KNTC1: variants seen among roughly 807,000 people sequenced by gnomAD.
The protein encoded by KNTC1 is kinetochore-associated protein 1.
KNTC1 carries 253 observed loss-of-function variants against 314.4 expected under a neutral mutation model. That is an observed-to-expected ratio of 0.80 (90% CI 0.73 to 0.89). The LOEUF (loss-of-function observed/expected upper bound fraction) is 0.89, where lower values mean the gene tolerates loss of function less well. Among genes scored for constraint, KNTC1 ranks in the 40% least tolerant of loss-of-function variants. KNTC1 has a pLI of 0.00. For missense variants in KNTC1, 2,475 were observed against 2,572.9 expected (o/e 0.96, Z 0.82); for synonymous variants, 901 against 901.4 (o/e 1.00, Z 0.01).
chr12:122,571,014 C>A lies in KNTC1; in HGVS notation c.1918-11C>A. On this transcript the variant is annotated splice_polypyrimidine_tract_variant and intron_variant, in intron 23 of 63. Coordinates refer to ENST00000333479, the MANE Select transcript of KNTC1 (RefSeq NM_014708.6). ...AACATTGTTTTGAACTGTCTGTAATCTTTTTTAAAGGCAAATTGGCCAGAA... is the reference window on the plus strand; with the variant it reads ...AACATTGTTTTGAACTGTCTGTAATATTTTTTAAAGGCAAATTGGCCAGAA... The A allele has an allele frequency of 6.2e-7, 1 of 1,611,576 alleles. No homozygotes were observed. Among genetic ancestry groups the A allele is most frequent in the Non-Finnish European group, 8.5e-7 (1 of 1,177,956 alleles).
chr12:122,528,175 G>C (rs955647605), intron 1 of KNTC1, among the ~76,000 whole-genome samples: 1 of 152,096 alleles, frequency 6.6e-6, no homozygotes, highest in African/African-American at 2.4e-5. Context: ...AGTTACGGGC[G>C]GTTTCTCTAT....
chr12:122,567,541 A>G (rs1964425695), intron 20 of KNTC1, among the ~76,000 whole-genome samples: 1 of 152,022 alleles, frequency 6.6e-6, no homozygotes. Flanking sequence ...TAGAACACTT[A>G]CTTATTTAAA....
At chr12:122,615,596 G>A (rs1873682892) in intron 57 of KNTC1, 70 bp downstream of exon 57, 2 of 1,356,394 alleles carry the variant, frequency 1.5e-6, no homozygotes, top group Middle Eastern at 2.6e-4. Context: ...GACTGCTGGG[G>A]ACACTGGATT....
chr12:122,541,014 A>G (rs1452916011), intron 5 of KNTC1, among the ~76,000 whole-genome samples: 1 of 151,968 alleles, frequency 6.6e-6, no homozygotes, highest in East Asian at 1.9e-4. Flanking sequence ...TCTACAAAAA[A>G]TAAAAAATTA....
chr12:122,569,305 G>T (rs987923823), intron 21 of KNTC1, among the ~76,000 whole-genome samples: 2 of 152,168 alleles, frequency 1.3e-5, no homozygotes, highest in African/African-American at 4.8e-5. Context: ...AAAATTGCTT[G>T]TCTCGATCCC....
At chr12:122,571,228 A>G in intron 24 of KNTC1, 102 bp downstream of exon 24, 2 of 812,750 alleles carry the variant, frequency 2.5e-6, no homozygotes, top group Non-Finnish European at 1.8e-6. Context: ...TACTTCTTAA[A>G]TTTTCTGTTT....
intron 20 of KNTC1, chr12:122,563,767 GC>G: frequency 6.9e-7 from 1 of 1,452,306 alleles, no homozygotes; most frequent in South Asian, 1.6e-5. Flanking sequence ...TTCTTGTAAC[GC>G]CAGTCGTGCC....
chr12:122,626,061 C>T (rs935317269), intron 63 of KNTC1, 144 bp from the exon 64 acceptor site: 1 of 662,108 alleles, frequency 1.5e-6, no homozygotes, highest in Admixed American at 2.8e-5. Flanking sequence ...CGTTTAAAAT[C>T]TGTTTCTCTC....
chr12:122,602,979 C>T, intron 47 of KNTC1, 48 bp from the exon 48 acceptor site: 3 of 1,570,634 alleles, frequency 1.9e-6, no homozygotes, highest in Non-Finnish European at 2.6e-6. Context: ...CATGTAAAAC[C>T]TTATATGTGA....
rs533340938 is a variant in KNTC1 at position 122,579,125 on chromosome 12, C to T, written c.2842-780C>T. Among the ~76,000 whole-genome samples, 13 of 130,886 alleles carry T rather than the reference C, an allele frequency of 9.9e-5. No homozygotes were observed. In the South Asian group the frequency reaches 2.5e-3, roughly 25 times the overall value. The allele number at this position is 130,886 out of a possible 152,430, so 85.9% of individuals were successfully genotyped here. ...TGTCGCCCAGGCTGGAGTGCAGTGG[C>T]GGGATCTCGGCTCACTGCAAGCTCC... On this transcript the variant is annotated intron_variant, in intron 31 of 63. Coordinates refer to ENST00000333479, the MANE Select transcript of KNTC1 (RefSeq NM_014708.6).
chr12:122,596,335 G>A (rs541051460), intron 43 of KNTC1, among the ~76,000 whole-genome samples: 57 of 151,768 alleles, frequency 3.8e-4, no homozygotes, highest in African/African-American at 1.2e-3. Flanking sequence ...CACCCGTCTC[G>A]ACCTCCCAAA....
At position 122,604,598 on chromosome 12, in the gene KNTC1, T is replaced by A; in HGVS notation, c.5136T>A (p.Leu1712=). 6.3e-7 allele frequency: 1 copy of A among 1,590,758 alleles called. No individual in the cohort carries two copies. The change falls in exon 49 of 64, where the codon CTT becomes CTA. Residue 1712 remains leucine (L), a synonymous_variant. Coordinates refer to ENST00000333479, the MANE Select transcript of KNTC1 (RefSeq NM_014708.6). ...AGATATCTGCTTTGAAATTCTGCCT[T>A]TATTTAGCTGAGAGATGGCTACAGA... The part of the protein sequence containing the change: ...SFKISALKFC[L]YLAERWLQNI...
At chr12:122,600,863 A>C (rs1237279893) in intron 44 of KNTC1, among the ~76,000 whole-genome samples, 1 of 150,862 alleles carries the variant, frequency 6.6e-6, no homozygotes, top group Non-Finnish European at 1.5e-5. Context: ...ATGGGGTTTC[A>C]CCCTGTTGGC....
At position 122,535,250 on chromosome 12, in the gene KNTC1, G is replaced by A. The variant is rs189302670; in HGVS notation, c.250+466G>A. Among the ~76,000 whole-genome samples, 378 of 152,202 alleles carry A rather than the reference G, an allele frequency of 2.5e-3. 3 individuals carry two copies. The highest frequency in any genetic ancestry group is 1.7e-3 in the Non-Finnish European group (114 of 68,004). ...ATTTGAGAGTGAATTAAAGCTGGGC[G>A]TGGTGGCTCATGCCTGCAATCCCAG... is the stretch of plus-strand genomic sequence containing the variant. On this transcript the variant is annotated intron_variant, in intron 3 of 63. Transcript: ENST00000333479.
chr12:122,528,965 C>T (rs1308595620), intron 1 of KNTC1, among the ~76,000 whole-genome samples: 1 of 152,132 alleles, frequency 6.6e-6, no homozygotes, highest in Non-Finnish European at 1.5e-5. Flanking sequence ...GCCTCAGCCT[C>T]CTGAGTAGCT....
intron 6 of KNTC1, among the ~76,000 whole-genome samples, chr12:122,543,136 C>T (rs1187997722): frequency 6.6e-6 from 1 of 152,194 alleles, no homozygotes; most frequent in Non-Finnish European, 1.5e-5. Context: ...TGGTCTCGAA[C>T]TCCTCACGTC....
At chr12:122,556,365 A>G (rs1963593090) in intron 16 of KNTC1, among the ~76,000 whole-genome samples, 1 of 152,002 alleles carries the variant, frequency 6.6e-6, no homozygotes, top group South Asian at 2.1e-4. Context: ...CAGTCATCAT[A>G]GACCTCTGAA....
chr12:122,582,069 A>C (rs1183104048), intron 33 of KNTC1, among the ~76,000 whole-genome samples: 1 of 152,174 alleles, frequency 6.6e-6, no homozygotes, highest in Non-Finnish European at 1.5e-5. Context: ...AAGCATGTAA[A>C]GGAGTCCTAT....
At chr12:122,543,178 G>C (rs971322389) in intron 6 of KNTC1, among the ~76,000 whole-genome samples, 2 of 152,204 alleles carry the variant, frequency 1.3e-5, no homozygotes, top group African/African-American at 4.8e-5. Context: ...CTCCCAAAGT[G>C]CTGGGATTGT....
Sources: allele counts gnomAD v4.1 joint callset (sites outside exome capture counted in the v4.1 genomes callset), GRCh38; gene constraint gnomAD v4.1.1; transcripts MANE v1.5; gene names NCBI Gene and HGNC (gene_info 2026-07-23, HGNC 2026-07-21).